Variants in SSBP4 observed in about 807,000 individuals in gnomAD.
SSBP4 encodes the protein single stranded DNA binding protein 4, also known as single-stranded DNA-binding protein 4.
SSBP4 carries 33 observed loss-of-function variants against 64.6 expected under a neutral mutation model. The observed-to-expected ratio is 0.51, with a 90% CI of 0.39 to 0.68. The LOEUF is 0.68. Ranked by LOEUF, SSBP4 falls within the 30% of genes least tolerant of loss-of-function variation. The pLI is 0.00. For missense variants in SSBP4, 583 were observed against 566.8 expected (o/e 1.03, Z -0.29); for synonymous variants, 243 against 224.0 (o/e 1.08, Z -0.76).
chr19:18,402,972 C>T, the SSBP4 span, among the ~76,000 whole-genome samples: 1 of 152,130 alleles, frequency 6.6e-6, no homozygotes, highest in African/African-American at 2.4e-5. Flanking sequence ...TCCTGCCTGC[C>T]CCTGGGAACT....
the SSBP4 span, among the ~76,000 whole-genome samples, chr19:18,405,938 C>A: frequency 6.6e-6 from 1 of 150,774 alleles, no homozygotes; most frequent in African/African-American, 2.4e-5. Flanking sequence ...TTGCAGTGAG[C>A]TGAGATTGCG....
the SSBP4 span, among the ~76,000 whole-genome samples, chr19:18,408,903 CCTGGGCTCAAGCGATCCT>C: frequency 6.6e-6 from 1 of 151,882 alleles, no homozygotes. Context: ...ACCTCCACTT[CCTGGGCTCAAGCGATCCT>C]CCTGGCTCAG....
the SSBP4 span, among the ~76,000 whole-genome samples, chr19:18,409,440 G>C: frequency 6.6e-6 from 1 of 151,784 alleles, no homozygotes; most frequent in Admixed American, 6.6e-5. Flanking sequence ...GTTTGCCTCG[G>C]CCTCCCAAAG....
chr19:18,433,250 C>T, intron 15 of SSBP4, 37 bp downstream of exon 15: 1 of 1,538,792 alleles, frequency 6.5e-7, no homozygotes, highest in Non-Finnish European at 8.8e-7. Flanking sequence ...ACGTTGCCTT[C>T]CGGGCCCGTG....
chr19:18,427,420 T>C lies in SSBP4; in HGVS notation c.129T>C (p.Ser43=). The change falls in exon 2 of 18, where the codon TCT becomes TCC. Residue 43 remains serine (S), a synonymous_variant. Coordinates refer to ENST00000270061, the MANE Select transcript of SSBP4 (RefSeq NM_032627.5). This position sits in a 1 kb window ranked among gnomAD's most constrained non-coding sequence, Gnocchi z 4.4. ...GAQKSAQTFL[S]EIRWEKNITL... Reference sequence around the variant, plus strand: ...AGAAGTCAGCCCAGACCTTCCTGTCTGAGGTAAGCCACCACCTCCAGGCTG... The same window carrying C: ...AGAAGTCAGCCCAGACCTTCCTGTCCGAGGTAAGCCACCACCTCCAGGCTG... 6.2e-7 allele frequency: 1 copy of C among 1,610,002 alleles called. No individual in the cohort carries two copies. Among genetic ancestry groups the C allele is most frequent in the East Asian group, 2.2e-5 (1 of 44,880 alleles).
Position 18,427,637 on chromosome 19 carries a change from C to G in SSBP4, c.133-115C>G. ...ACACATCCTGGGGCCCTCTGCCCAC[C>G]CTGTTACCCTTCCCTCCCCACTCCC... On this transcript the variant is annotated intron_variant, in intron 2 of 17. Transcript: ENST00000270061. This position sits in a 1 kb window ranked among gnomAD's most constrained non-coding sequence, Gnocchi z 4.4. 1 of 1,320,228 alleles carries G rather than the reference C, an allele frequency of 7.6e-7. No homozygotes were observed. The highest frequency in any genetic ancestry group is 1.0e-6 in the Non-Finnish European group (1 of 974,778). The allele number at this position is 1,320,228 out of a possible 1,614,324, so 81.8% of individuals were successfully genotyped here.
At chr19:18,431,097 A>G (rs1973329821) in intron 5 of SSBP4, among the ~76,000 whole-genome samples, 167 bp downstream of exon 5, 1 of 152,168 alleles carries the variant, frequency 6.6e-6, no homozygotes, top group African/African-American at 2.4e-5. Flanking sequence ...GGGGCCAGCG[A>G]GGGAGGGCCC....
chr19:18,409,653 T>C, the SSBP4 span, among the ~76,000 whole-genome samples: 2 of 152,200 alleles, frequency 1.3e-5, no homozygotes, highest in South Asian at 4.1e-4. Context: ...TGGGGTGCAG[T>C]GGCACAATCA....
Position 18,430,553 on chromosome 19 carries a change from G to T in SSBP4, c.280-288G>T, listed in dbSNP as rs554978673. On this transcript the variant is annotated intron_variant, in intron 4 of 17. Coordinates refer to ENST00000270061, the MANE Select transcript of SSBP4 (RefSeq NM_032627.5). ...GTTTATTTGGGGGGTCCTGAGTAGA[G>T]TTGGGGACCCAGCTGAGCTGCCCTG... Among the ~76,000 whole-genome samples the T allele has an allele frequency of 3.3e-5, 5 of 152,310 alleles. No homozygotes were observed. The South Asian group carries it at 6.2e-4, about 19-fold the overall frequency.
At chr19:18,417,389 G>A (rs767603904), upstream of SSBP4, among the ~76,000 whole-genome samples, 76 of 152,312 alleles carry the variant, frequency 5.0e-4, no homozygotes, top group Non-Finnish European at 9.6e-4. The surrounding 1 kb of genome is among the most constrained non-coding windows in gnomAD (Gnocchi z 5.4). Context: ...CAGGGCCCTG[G>A]GGAGCCACGG....
Position 18,430,711 on chromosome 19 carries a change from G to T in SSBP4, c.280-130G>T. 8 of 721,568 alleles carry T rather than the reference G, an allele frequency of 1.1e-5. No individual in the cohort carries two copies. In the South Asian group the frequency reaches 1.6e-4, roughly 15 times the overall value. 44.7% of individuals were successfully genotyped at this position (721,568 alleles called of 1,614,324 possible). A position where few individuals can be genotyped will look rare whatever the true frequency, so the allele number is the denominator to read the frequency against. ...ACAGATCCTCAGGCCGACAACCCCA[G>T]TGTGCTCACTGACCAATGCCAGCTC... On this transcript the variant is annotated intron_variant, in intron 4 of 17. Transcript: ENST00000270061.
upstream of SSBP4, among the ~76,000 whole-genome samples, chr19:18,416,257 C>G (rs1312712348): frequency 1.3e-5 from 2 of 152,126 alleles, no homozygotes; most frequent in African/African-American, 2.4e-5. Context: ...TGAGGTGATT[C>G]GCCCGCCTCA....
chr19:18,405,380 G>A, the SSBP4 span, among the ~76,000 whole-genome samples: 847 of 152,114 alleles, frequency 5.6e-3, 21 homozygotes, highest in Admixed American at 0.037. Flanking sequence ...CCTCCCCCAC[G>A]CCAGGCGTGA....
Position 18,427,592 on chromosome 19 carries a change from A to G in SSBP4, c.133-160A>G, listed in dbSNP as rs542691972. 1.3e-5 allele frequency among the ~76,000 whole-genome samples: 2 copies of G among 152,230 alleles called. No homozygotes were observed. The highest frequency in any genetic ancestry group is 4.8e-5 in the African/African-American group (2 of 41,526). On this transcript the variant is annotated intron_variant, in intron 2 of 17. Transcript: ENST00000270061. The surrounding 1 kb of genome is among the most constrained non-coding windows in gnomAD (Gnocchi z 4.4). The stretch of plus-strand genomic sequence containing the variant: ...GCTAGCATCCAGGCATCTGGTCCAC[A>G]TGCCCAGCCGGGACCTGCCACACAT...
In SSBP4 at chr19:18,419,437, AAAG is replaced by A; in HGVS notation, c.-211_-209del. ...CCCGCGCGGAGGAAAGGGAGGAAAA[AAAG>A]CCACCCTGCGGCCGGGGCCGGAGCT... On this transcript the variant is annotated 5_prime_UTR_variant, in exon 1 of 18. Coordinates refer to ENST00000270061, the MANE Select transcript of SSBP4 (RefSeq NM_032627.5). 1 of 1,047,494 alleles carries A rather than the reference AAAG, an allele frequency of 9.5e-7. No homozygotes were observed. The highest frequency in any genetic ancestry group is 1.1e-6 in the Non-Finnish European group (1 of 872,256). 64.9% of individuals were successfully genotyped at this position (1,047,494 alleles called of 1,614,324 possible).
intron 4 of SSBP4, among the ~76,000 whole-genome samples, chr19:18,429,472 G>T (rs111679852): frequency 1.5e-5 from 1 of 68,156 alleles, no homozygotes; most frequent in Non-Finnish European, 2.5e-5. Context: ...GCAGGGGGCG[G>T]GGGGGGGGTG....
At chr19:18,420,510 G>A (rs913833050) in intron 1 of SSBP4, among the ~76,000 whole-genome samples, 5 of 152,096 alleles carry the variant, frequency 3.3e-5, no homozygotes, top group African/African-American at 1.2e-4. Flanking sequence ...TTTGAAAGGT[G>A]CTTGGAGCAG....
At chr19:18,432,453 T>A in intron 10 of SSBP4, 106 bp from the exon 11 acceptor site, 2 of 1,469,872 alleles carry the variant, frequency 1.4e-6, no homozygotes, top group Non-Finnish European at 1.8e-6. Flanking sequence ...TCTGCTGCTC[T>A]GTGGTCGGTC....
chr19:18,411,512 TC>T, the SSBP4 span, among the ~76,000 whole-genome samples: 1 of 151,394 alleles, frequency 6.6e-6, no homozygotes, highest in Admixed American at 6.6e-5. Flanking sequence ...AAAAAAAGTA[TC>T]CAGGAAGATC....
Sources: allele counts gnomAD v4.1 joint callset (sites outside exome capture counted in the v4.1 genomes callset), GRCh38; gene constraint gnomAD v4.1.1; non-coding constraint Gnocchi (gnomAD v3.1); transcripts MANE v1.5; gene names NCBI Gene and HGNC (gene_info 2026-07-23, HGNC 2026-07-21).